The following PATL2 variants were observed in gnomAD, a reference collection of about 807,000 sequenced individuals.
PATL2 encodes the protein PAT1 homolog 2, also known as protein PAT1 homolog 2.
PATL2 carries 73 observed loss-of-function variants against 77.0 expected under a neutral mutation model. The observed-to-expected ratio is 0.95, with a 90% CI of 0.78 to 1.15. The LOEUF (loss-of-function observed/expected upper bound fraction) is 1.15. PATL2 is among the 50% of genes most tolerant of loss of function. The probability of loss-of-function intolerance (pLI) is 0.00; values close to 1 mark genes in which losing one functional copy is unlikely to be tolerated. For synonymous variants in PATL2, 265 were observed against 257.1 expected (o/e 1.03, Z -0.29); for missense variants, 618 against 655.4 (o/e 0.94, Z 0.62).
chr15:44,691,284 A>G (rs983033050), intron 3 of PATL2, among the ~76,000 whole-genome samples: 1 of 152,316 alleles, frequency 6.6e-6, no homozygotes, highest in African/African-American at 2.4e-5. Context: ...AATGATTTAT[A>G]ACATAACATA....
At chr15:44,671,940 G>T in intron 9 of PATL2, 75 bp downstream of exon 9, 1 of 1,507,138 alleles carries the variant, frequency 6.6e-7, no homozygotes, top group South Asian at 1.3e-5. Context: ...GCCGAAGAGA[G>T]GATCAGAGCG....
chr15:44,667,085 A>G lies in PATL2; in HGVS notation c.1463+21T>C, dbSNP rs1383157904. The G allele has an allele frequency of 2.0e-6, 3 of 1,522,752 alleles. No homozygotes were observed. The South Asian group carries it at 3.6e-5, about 18-fold the overall frequency. The allele number at this position is 1,522,752 out of a possible 1,614,324, so 94.3% of individuals were successfully genotyped here. On this transcript the variant is annotated intron_variant, in intron 16 of 17. Transcript: ENST00000682850. ...ATCCCGAGGGTACTAGATAGTATTT[A>G]CAAGGCCTTTATGATCTTACCAAGC...
At position 44,700,200 on chromosome 15, in the gene PATL2, A is replaced by G. The variant is rs190467287; in HGVS notation, c.-76+9896T>C. On this transcript the variant is annotated intron_variant, in intron 3 of 17. Coordinates refer to ENST00000682850, the MANE Select transcript of PATL2 (RefSeq NM_001387263.1). Reference sequence around the variant, plus strand: ...ATCAGTGTTTTATAGTTATCATCGTAGAGATCTTTTACTTCTTGGTTAAGA... The same window carrying G: ...ATCAGTGTTTTATAGTTATCATCGTGGAGATCTTTTACTTCTTGGTTAAGA... Among the ~76,000 whole-genome samples, 366 of 152,278 alleles carry G rather than the reference A, an allele frequency of 2.4e-3. 2 individuals carry two copies. Among genetic ancestry groups the G allele is most frequent in the African/African-American group, 8.5e-3 (354 of 41,582 alleles).
intron 6 of PATL2, 71 bp from the exon 7 acceptor site, chr15:44,673,448 C>T: frequency 6.6e-7 from 1 of 1,519,830 alleles, no homozygotes; most frequent in Non-Finnish European, 8.9e-7. Context: ...GTTGTGAGGG[C>T]TCAGTTCCTT....
chr15:44,672,352 G>A, intron 8 of PATL2, 36 bp downstream of exon 8: 1 of 1,545,624 alleles, frequency 6.5e-7, no homozygotes. Flanking sequence ...CATGCAAATG[G>A]GCTCCCCTCA....
chr15:44,693,348 C>A lies in PATL2; in HGVS notation c.-76+16748G>T, dbSNP rs551027071. 2.0e-5 allele frequency among the ~76,000 whole-genome samples: 3 copies of A among 152,242 alleles called. No homozygotes were observed. In the East Asian group the frequency reaches 5.8e-4, roughly 29 times the overall value. On this transcript the variant is annotated intron_variant, in intron 3 of 17. Transcript: ENST00000682850. ...CCTTTCTGGAGACTCTATGGGAGAACCCATGTCTTTGGCTTTTCCACCTTC... is the reference window on the plus strand; with the variant it reads ...CCTTTCTGGAGACTCTATGGGAGAAACCATGTCTTTGGCTTTTCCACCTTC...
chr15:44,687,832 T>A (rs2086295342), intron 3 of PATL2, among the ~76,000 whole-genome samples: 1 of 152,038 alleles, frequency 6.6e-6, no homozygotes, highest in Non-Finnish European at 1.5e-5. Flanking sequence ...TACCTAGGAA[T>A]CCAACTTACA....
At chr15:44,706,687 G>A (rs1759232701) in intron 3 of PATL2, among the ~76,000 whole-genome samples, 1 of 152,342 alleles carries the variant, frequency 6.6e-6, no homozygotes, top group South Asian at 2.1e-4. Context: ...CACTGGGACT[G>A]TGCAGGGTCA....
intron 3 of PATL2, among the ~76,000 whole-genome samples, chr15:44,706,072 T>A (rs1292592194): frequency 6.6e-6 from 1 of 152,158 alleles, no homozygotes; most frequent in African/African-American, 2.4e-5. Context: ...AATGTTGGGA[T>A]TACAGGTGTG....
intron 16 of PATL2, chr15:44,666,790 AAACT>A (rs2085394410): frequency 5.7e-6 from 3 of 522,744 alleles, no homozygotes; most frequent in South Asian, 2.8e-5. Flanking sequence ...ATAAAGAAAC[AAACT>A]AAGAGAAGTG....
At chr15:44,688,260 A>AT (rs200378843) in intron 3 of PATL2, among the ~76,000 whole-genome samples, 4,703 of 150,332 alleles carry the variant, frequency 0.031, 252 homozygotes, top group African/African-American at 0.1. Flanking sequence ...AAAAAAAAAA[A>AT]AACTAGCTAA....
chr15:44,696,062 G>C (rs547521798), intron 3 of PATL2, among the ~76,000 whole-genome samples: 1 of 152,190 alleles, frequency 6.6e-6, no homozygotes, highest in Non-Finnish European at 1.5e-5. Flanking sequence ...AAGGGAAAAA[G>C]AATATTTGGA....
intron 4 of PATL2, 193 bp from the exon 5 acceptor site, chr15:44,675,884 A>G: frequency 1.8e-6 from 1 of 567,728 alleles, no homozygotes; most frequent in African/African-American, 1.9e-5. Context: ...TCCCCCAGTA[A>G]GTCAAATGGA....
intron 3 of PATL2, among the ~76,000 whole-genome samples, chr15:44,706,237 A>C (rs2086734197): frequency 3.3e-5 from 5 of 152,096 alleles, no homozygotes; most frequent in Admixed American, 3.3e-4. Context: ...TCAGTGTCTG[A>C]GTTAAATATT....
At chr15:44,679,177 C>G (rs1212011485) in intron 3 of PATL2, among the ~76,000 whole-genome samples, 2 of 152,152 alleles carry the variant, frequency 1.3e-5, no homozygotes. Flanking sequence ...ATTCTCCTGC[C>G]TCAGCCTCCA....
intron 3 of PATL2, among the ~76,000 whole-genome samples, chr15:44,690,204 G>A (rs1208791508): frequency 2.0e-5 from 3 of 151,992 alleles, no homozygotes; most frequent in Non-Finnish European, 4.4e-5. Context: ...AAAAGTGAGT[G>A]TTTTCTAAAT....
chr15:44,687,705 A>G (rs2086291755), intron 3 of PATL2, among the ~76,000 whole-genome samples: 1 of 152,188 alleles, frequency 6.6e-6, no homozygotes, highest in East Asian at 1.9e-4. Flanking sequence ...CAATTTCAGC[A>G]GTCTCAGGCT....
chr15:44,666,052 T>G, intron 17 of PATL2, 81 bp from the exon 18 acceptor site: 6 of 1,282,150 alleles, frequency 4.7e-6, no homozygotes, highest in Non-Finnish European at 6.5e-6. Context: ...TCTGACTCTT[T>G]CTAGCAGTAA....
chr15:44,702,377 C>T (rs1450051226), intron 3 of PATL2, among the ~76,000 whole-genome samples: 1 of 148,572 alleles, frequency 6.7e-6, no homozygotes, highest in Non-Finnish European at 1.5e-5. Flanking sequence ...GTCTTCTCTC[C>T]TTTTTTTCTT....
Sources: allele counts gnomAD v4.1 joint callset (sites outside exome capture counted in the v4.1 genomes callset), GRCh38; gene constraint gnomAD v4.1.1; transcripts MANE v1.5; gene names NCBI Gene and HGNC (gene_info 2026-07-23, HGNC 2026-07-21).